The following EPB41L3 variants were observed in gnomAD, a reference collection of about 807,000 sequenced individuals.
The protein encoded by EPB41L3 is band 4.1-like protein 3.
EPB41L3 carries 57 observed loss-of-function variants against 127.1 expected under a neutral mutation model. The ratio of observed to expected loss-of-function variants is 0.45; its 90% CI spans 0.36 to 0.56. The LOEUF is 0.56. Ranked by LOEUF, EPB41L3 falls within the 20% of genes least tolerant of loss-of-function variation. The pLI is 0.00. For missense variants in EPB41L3, 1,273 were observed against 1,372.2 expected (o/e 0.93, Z 1.14); for synonymous variants, 572 against 549.5 (o/e 1.04, Z -0.57).
chr18:5,514,573 T>C (rs573421355), intron 1 of EPB41L3, among the ~76,000 whole-genome samples: 1 of 152,330 alleles, frequency 6.6e-6, no homozygotes, highest in African/African-American at 2.4e-5. Context: ...GGATACTAAA[T>C]GTGTGTATCT....
chr18:5,404,121 G>A (rs1463884044), intron 16 of EPB41L3, among the ~76,000 whole-genome samples: 1 of 152,126 alleles, frequency 6.6e-6, no homozygotes, highest in African/African-American at 2.4e-5. Flanking sequence ...TAGAAGAGAG[G>A]ACAGGCCACT....
chr18:5,583,152 G>T (rs780158879), intron 3 of EPB41L3, among the ~76,000 whole-genome samples: 1 of 152,186 alleles, frequency 6.6e-6, no homozygotes, highest in Non-Finnish European at 1.5e-5. Flanking sequence ...GTCAGGTAGG[G>T]TGGCTGAGAC....
chr18:5,423,703 A>G (rs1362225906), intron 10 of EPB41L3, 150 bp from the exon 11 acceptor site: 2 of 714,576 alleles, frequency 2.8e-6, no homozygotes, highest in Non-Finnish European at 2.3e-6. Flanking sequence ...TCATAAAAGA[A>G]TGCATATAGT....
At chr18:5,624,865 G>C (rs1161231045) in intron 1 of EPB41L3, among the ~76,000 whole-genome samples, 1 of 152,198 alleles carries the variant, frequency 6.6e-6, no homozygotes, top group African/African-American at 2.4e-5. Context: ...CAGAAGGAAA[G>C]ATGAGAGAGA....
At chr18:5,418,828 T>C (rs916912239) in intron 12 of EPB41L3, among the ~76,000 whole-genome samples, 1 of 152,212 alleles carries the variant, frequency 6.6e-6, no homozygotes, top group Admixed American at 6.5e-5. Flanking sequence ...CCATCTCTAT[T>C]TGAAGAGCCC....
At chr18:5,499,541 A>G (rs1444459561) in intron 1 of EPB41L3, among the ~76,000 whole-genome samples, 1 of 152,006 alleles carries the variant, frequency 6.6e-6, no homozygotes, top group Non-Finnish European at 1.5e-5. Context: ...ATGTGGGTGG[A>G]TCACGAGGTC....
intron 3 of EPB41L3, among the ~76,000 whole-genome samples, chr18:5,605,262 G>C (rs998111879): frequency 6.6e-6 from 1 of 152,056 alleles, no homozygotes; most frequent in East Asian, 1.9e-4. Flanking sequence ...TCAACACCTT[G>C]GCCACCCATG....
intron 3 of EPB41L3, among the ~76,000 whole-genome samples, chr18:5,561,030 T>C (rs569928573): frequency 1.4e-5 from 2 of 146,838 alleles, no homozygotes; most frequent in Admixed American, 6.8e-5. Flanking sequence ...CAGGCTGGAG[T>C]GCAGTGGCGC....
At chr18:5,424,869 TTTTA>T (rs1367452159) in intron 9 of EPB41L3, among the ~76,000 whole-genome samples, 2 of 152,162 alleles carry the variant, frequency 1.3e-5, no homozygotes, top group Non-Finnish European at 1.5e-5. Flanking sequence ...AGATTGCTGA[TTTTA>T]TTTGTGTGTT....
intron 12 of EPB41L3, among the ~76,000 whole-genome samples, chr18:5,417,347 T>A (rs947595071): frequency 6.6e-6 from 1 of 152,124 alleles, no homozygotes; most frequent in African/African-American, 2.4e-5. Flanking sequence ...CTGCTTCTCC[T>A]CCTCTCTGGG....
At chr18:5,413,270 G>C (rs1271381214) in intron 13 of EPB41L3, among the ~76,000 whole-genome samples, 12 of 151,974 alleles carry the variant, frequency 7.9e-5, no homozygotes. Flanking sequence ...TATGGTTTGG[G>C]GAGGTAAGTT....
intron 3 of EPB41L3, among the ~76,000 whole-genome samples, chr18:5,604,485 G>A (rs1301773961): frequency 6.6e-6 from 1 of 151,908 alleles, no homozygotes; most frequent in African/African-American, 2.4e-5. Context: ...ACAGAGTCTT[G>A]CTCTGTCACC....
intron 2 of EPB41L3, among the ~76,000 whole-genome samples, chr18:5,613,906 A>C (rs558842839): frequency 1.3e-5 from 2 of 152,262 alleles, no homozygotes; most frequent in African/African-American, 4.8e-5. Context: ...AATAAATATC[A>C]AAAACGTTCT....
chr18:5,509,076 G>A (rs1444355843), intron 1 of EPB41L3, among the ~76,000 whole-genome samples: 2 of 152,132 alleles, frequency 1.3e-5, no homozygotes, highest in Admixed American at 1.3e-4. Flanking sequence ...TTTCATCATC[G>A]GACACTGGCA....
Position 5,616,889 on chromosome 18 carries a change from A to G in EPB41L3, c.-467-2466T>C, listed in dbSNP as rs111316522. 7.1e-3 allele frequency among the ~76,000 whole-genome samples: 1,075 copies of G among 152,318 alleles called. 11 individuals are homozygous for G. The highest frequency in any genetic ancestry group is 0.021 in the African/African-American group (875 of 41,578). On this transcript the variant is annotated intron_variant, in intron 1 of 21. Coordinates refer to the EPB41L3 transcript ENST00000545076. The stretch of plus-strand genomic sequence containing the variant: ...ATACTTCAGTTATCTTCTCTTGTCC[A>G]TAGACATTTGTGTTGTTTCCAATTT...
At chr18:5,509,360 T>G (rs1247780207) in intron 1 of EPB41L3, among the ~76,000 whole-genome samples, 1 of 152,232 alleles carries the variant, frequency 6.6e-6, no homozygotes, top group Admixed American at 6.5e-5. Flanking sequence ...GAACACCAAC[T>G]AGCTCATCAG....
chr18:5,630,441 C>G (rs2094981537), upstream of EPB41L3: 1 of 518,862 alleles, frequency 1.9e-6, no homozygotes, highest in African/African-American at 1.9e-5. Flanking sequence ...CAGGCACAAC[C>G]TTCCTTGGAG....
chr18:5,567,460 A>G (rs1192098046), intron 3 of EPB41L3: 1 of 152,232 alleles, frequency 6.6e-6, no homozygotes, highest in African/African-American at 2.4e-5. Context: ...TAACTCATAA[A>G]TTAATTCAAA....
At chr18:5,486,585 A>AG (rs558357021) in intron 2 of EPB41L3, among the ~76,000 whole-genome samples, 2 of 152,198 alleles carry the variant, frequency 1.3e-5, no homozygotes, top group Non-Finnish European at 2.9e-5. Flanking sequence ...TGTCTACCTG[A>AG]CAAGGGATTA....
Sources: gnomAD v4.1 joint callset for allele counts (sites outside exome capture counted in the v4.1 genomes callset) on GRCh38, gnomAD v4.1.1 for gene constraint, MANE v1.5 for transcripts, NCBI Gene and HGNC (gene_info 2026-07-23, HGNC 2026-07-21) for gene names.